Variants in MAF observed in about 807,000 individuals in gnomAD.
MAF encodes the protein MAF bZIP transcription factor.
In MAF, 10 loss-of-function variants were observed where a neutral mutation model predicts 22.0. That is an observed-to-expected ratio of 0.45 (90% CI 0.28 to 0.77). MAF has a LOEUF of 0.77. MAF is among the 30% of genes least tolerant of loss of function. MAF has a pLI of 0.12. For synonymous variants in MAF, 337 were observed against 255.8 expected, an observed-to-expected ratio of 1.32 and a Z score of -3.03; for missense variants, 544 against 548.4, an observed-to-expected ratio of 0.99 and a Z score of 0.08.
chr16:79,251,748 C>T, the MAF span, among the ~76,000 whole-genome samples: 3 of 152,330 alleles, frequency 2.0e-5, no homozygotes, highest in Non-Finnish European at 2.9e-5. Context: ...AAAGAGCCAA[C>T]GCTGGGGGCC....
At chr16:79,303,664 T>A in the MAF span, among the ~76,000 whole-genome samples, 7 of 152,200 alleles carry the variant, frequency 4.6e-5, no homozygotes, top group Admixed American at 2.6e-4. Flanking sequence ...TTAATTCATA[T>A]AGACTGTCAG....
At chr16:79,388,017 G>A in the MAF span, among the ~76,000 whole-genome samples, 1 of 152,170 alleles carries the variant, frequency 6.6e-6, no homozygotes, top group Non-Finnish European at 1.5e-5. Context: ...TACCTGTGGT[G>A]AGATTCCTGT....
chr16:79,272,526 G>A, the MAF span, among the ~76,000 whole-genome samples: 1 of 152,136 alleles, frequency 6.6e-6, no homozygotes, highest in Admixed American at 6.5e-5. Flanking sequence ...CCACAGCGCC[G>A]CTCCATGCGG....
chr16:79,493,169 T>G, the MAF span, among the ~76,000 whole-genome samples: 1 of 151,444 alleles, frequency 6.6e-6, no homozygotes, highest in Admixed American at 6.6e-5. Context: ...TTTTGTTTTG[T>G]TTTTTGTTTG....
At chr16:79,558,863 T>G in the MAF span, among the ~76,000 whole-genome samples, 161 of 152,324 alleles carry the variant, frequency 1.1e-3, 1 homozygote, top group Non-Finnish European at 2.1e-3. Context: ...TGGAAGGTAT[T>G]TGACTTTGAG....
the MAF span, among the ~76,000 whole-genome samples, chr16:79,576,523 CTTTA>C: frequency 1.3e-5 from 2 of 151,648 alleles, no homozygotes; most frequent in African/African-American, 2.4e-5. Context: ...CTAAGCACAA[CTTTA>C]TTTATTTTTC....
chr16:79,547,539 C>G, the MAF span, among the ~76,000 whole-genome samples: 1 of 151,952 alleles, frequency 6.6e-6, no homozygotes, highest in African/African-American at 2.4e-5. Flanking sequence ...TAAAAAAAAA[C>G]CTTTGTAGAA....
At chr16:79,317,913 TTCACTCACTCACTCAC>T in the MAF span, among the ~76,000 whole-genome samples, 897 of 144,550 alleles carry the variant, frequency 6.2e-3, 11 homozygotes, top group African/African-American at 0.02. Flanking sequence ...CATTCATTCA[TTCACTCACTCACTCAC>T]TCACTCACTC....
the MAF span, among the ~76,000 whole-genome samples, chr16:79,287,796 T>G: frequency 6.6e-6 from 1 of 152,194 alleles, no homozygotes; most frequent in Non-Finnish European, 1.5e-5. Flanking sequence ...CACTCATTCT[T>G]TCATTCACTC....
chr16:79,470,410 G>T, the MAF span, among the ~76,000 whole-genome samples: 7 of 152,262 alleles, frequency 4.6e-5, 1 homozygote, highest in East Asian at 1.4e-3. Flanking sequence ...GGCAACTAGG[G>T]CATGGCAGAA....
chr16:79,441,566 G>T, the MAF span, among the ~76,000 whole-genome samples: 6 of 152,076 alleles, frequency 3.9e-5, no homozygotes, highest in Non-Finnish European at 5.9e-5. Context: ...CATTTTTACA[G>T]ATCAAAAAAT....
the MAF span, among the ~76,000 whole-genome samples, chr16:79,379,489 T>C: frequency 7.3e-6 from 1 of 137,042 alleles, no homozygotes; most frequent in Non-Finnish European, 1.5e-5. Flanking sequence ...CGGCTCTTGA[T>C]CTGGTGGAAG....
the MAF span, among the ~76,000 whole-genome samples, chr16:79,545,654 A>G: frequency 1.3e-5 from 2 of 152,176 alleles, no homozygotes; most frequent in Non-Finnish European, 2.9e-5. Flanking sequence ...TTTGATCTCA[A>G]TACTAAAATT....
chr16:79,466,782 T>C, the MAF span, among the ~76,000 whole-genome samples: 2 of 152,360 alleles, frequency 1.3e-5, no homozygotes, highest in East Asian at 1.9e-4. Context: ...AATTATCTCA[T>C]GCAACAGACA....
the MAF span, among the ~76,000 whole-genome samples, chr16:79,392,973 C>A: frequency 6.6e-6 from 1 of 152,324 alleles, no homozygotes; most frequent in South Asian, 2.1e-4. Context: ...TTGGCAGCTC[C>A]TGCCGCCCTC....
chr16:79,582,561 G>A (rs1912585744), downstream of MAF, among the ~76,000 whole-genome samples: 1 of 152,176 alleles, frequency 6.6e-6, no homozygotes, highest in Admixed American at 6.5e-5. Flanking sequence ...CTCAGTAGTG[G>A]GCCAGTGCCC....
the MAF span, among the ~76,000 whole-genome samples, chr16:79,547,082 T>C: frequency 6.6e-6 from 1 of 152,144 alleles, no homozygotes; most frequent in Non-Finnish European, 1.5e-5. Context: ...AAAAGTTCCT[T>C]TCTGAAATCA....
rs1913772267 is a variant in MAF at position 79,598,889 on chromosome 16, C to T, written c.1014G>A (p.Val338=). The change falls in exon 1 of 2, where the codon GTG becomes GTA. Residue 338 remains valine (V), a synonymous_variant. Transcript: ENST00000326043. Reference sequence around the variant, plus strand: ...TCTCCTTGTACGCGTCCCTCTCGCGCACCAGCCTGGAGATCTCCTGCTTGA... The same window carrying T: ...TCTCCTTGTACGCGTCCCTCTCGCGTACCAGCCTGGAGATCTCCTGCTTGA... ...DHLKQEISRL[V]RERDAYKEKY... is the part of the protein sequence containing the mutation. 2 of 1,613,798 alleles carry T rather than the reference C, an allele frequency of 1.2e-6. No homozygotes were observed. Among genetic ancestry groups the T allele is most frequent in the Non-Finnish European group, 1.7e-6 (2 of 1,179,992 alleles).
chr16:79,552,396 A>C, the MAF span, among the ~76,000 whole-genome samples: 1 of 152,042 alleles, frequency 6.6e-6, no homozygotes, highest in African/African-American at 2.4e-5. Flanking sequence ...TTCTGTAGAG[A>C]TGAGATCTTG....
Sources: allele counts gnomAD v4.1 joint callset (sites outside exome capture counted in the v4.1 genomes callset), GRCh38; gene constraint gnomAD v4.1.1; transcripts MANE v1.5; gene names NCBI Gene and HGNC (gene_info 2026-07-23, HGNC 2026-07-21).